PARD3B: variants seen among roughly 807,000 people sequenced by gnomAD.
PARD3B encodes par-3 family cell polarity regulator beta.
Under a neutral mutation model 130.2 loss-of-function variants are expected in PARD3B, and 103 were observed. The ratio of observed to expected loss-of-function variants is 0.79; its 90% CI spans 0.67 to 0.93. The LOEUF (loss-of-function observed/expected upper bound fraction) is 0.93. Among genes scored for constraint, PARD3B ranks in the 40% least tolerant of loss-of-function variants. The probability of loss-of-function intolerance (pLI) is 0.00; values close to 1 mark genes in which losing one functional copy is unlikely to be tolerated. For synonymous variants in PARD3B, 583 were observed against 553.2 expected (o/e 1.05, Z -0.76); for missense variants, 1,609 against 1,499.2 (o/e 1.07, Z -1.21).
chr2:204,645,042 C>CT (rs1351984613), intron 1 of PARD3B, among the ~76,000 whole-genome samples: 1 of 151,934 alleles, frequency 6.6e-6, no homozygotes, highest in Admixed American at 6.6e-5. Flanking sequence ...GTGATTTTGT[C>CT]TTTAGATTCT....
intron 13 of PARD3B, among the ~76,000 whole-genome samples, chr2:205,178,366 T>C (rs981399645): frequency 6.6e-6 from 1 of 151,874 alleles, no homozygotes; most frequent in Non-Finnish European, 1.5e-5. Context: ...GGCAGGAGAA[T>C]GGTGTAAACC....
chr2:205,077,762 A>G, intron 4 of PARD3B, among the ~76,000 whole-genome samples: 1 of 152,178 alleles, frequency 6.6e-6, no homozygotes, highest in East Asian at 1.9e-4. Context: ...TTTTGATTAT[A>G]GAACACATGA....
At chr2:205,236,285 T>A (rs915248314) in intron 15 of PARD3B, among the ~76,000 whole-genome samples, 1 of 152,186 alleles carries the variant, frequency 6.6e-6, no homozygotes, top group Non-Finnish European at 1.5e-5. Context: ...ATAACAATTC[T>A]ACAGACATTC....
chr2:204,763,954 T>C (rs1284788823), intron 2 of PARD3B, among the ~76,000 whole-genome samples: 1 of 152,222 alleles, frequency 6.6e-6, no homozygotes, highest in Non-Finnish European at 1.5e-5. Flanking sequence ...TCTTATGATA[T>C]TTACTTTTTT....
At position 204,664,499 on chromosome 2, in the gene PARD3B, T is replaced by C. The variant is rs1347944247; in HGVS notation, c.121-21682T>C. On this transcript the variant is annotated intron_variant, in intron 1 of 22. Transcript: ENST00000406610. This position sits in a 1 kb window ranked among gnomAD's most constrained non-coding sequence, Gnocchi z 5.2. ...ACGTTTTGATCATTGGTCTGCTATA[T>C]TGAATGCTGATTTTTTTTTCCAGTT... Among the ~76,000 whole-genome samples the C allele has an allele frequency of 6.6e-6, 1 of 152,182 alleles. No individual in the cohort carries two copies. The highest frequency in any genetic ancestry group is 6.5e-5 in the Admixed American group (1 of 15,278).
rs1268892168 is a variant in PARD3B at position 205,072,340 on chromosome 2, C to T, written c.504+24650C>T. 2.0e-5 allele frequency among the ~76,000 whole-genome samples: 3 copies of T among 151,830 alleles called. No homozygotes were observed. The East Asian group carries it at 5.8e-4, about 29-fold the overall frequency. The stretch of plus-strand genomic sequence containing the variant: ...TCTTGGCTCACTGCAACTTCTGCCC[C>T]CCTGGGTTCAAGCGATTCTCCTGCC... On this transcript the variant is annotated intron_variant, in intron 4 of 22. Coordinates refer to ENST00000406610, the MANE Select transcript of PARD3B (RefSeq NM_001302769.2).
intron 4 of PARD3B, among the ~76,000 whole-genome samples, chr2:205,061,846 A>G (rs562303519): frequency 2.9e-4 from 44 of 152,236 alleles, no homozygotes; most frequent in African/African-American, 1.1e-3. Flanking sequence ...CAATATTGGA[A>G]CTACATCAAT....
At chr2:205,081,885 T>A (rs1014063274) in intron 4 of PARD3B, among the ~76,000 whole-genome samples, 1 of 152,178 alleles carries the variant, frequency 6.6e-6, no homozygotes, top group Non-Finnish European at 1.5e-5. Context: ...TTCATGGTAA[T>A]GCTAGTTTAT....
At chr2:204,717,073 G>A (rs1574797199) in intron 2 of PARD3B, among the ~76,000 whole-genome samples, 1 of 152,120 alleles carries the variant, frequency 6.6e-6, no homozygotes, top group East Asian at 1.9e-4. Flanking sequence ...TTGCTGCAAT[G>A]GACTGTGCAC....
chr2:205,052,671 C>T (rs977162767), intron 4 of PARD3B, among the ~76,000 whole-genome samples: 4 of 151,668 alleles, frequency 2.6e-5, no homozygotes, highest in African/African-American at 9.7e-5. Context: ...GCCACTAATT[C>T]TCACAGTGAG....
intron 20 of PARD3B, among the ~76,000 whole-genome samples, chr2:205,468,487 A>G (rs2048710139): frequency 6.6e-6 from 1 of 152,160 alleles, no homozygotes; most frequent in Non-Finnish European, 1.5e-5. Context: ...TTATCACCAC[A>G]AGCTTTTCTT....
intron 4 of PARD3B, among the ~76,000 whole-genome samples, chr2:205,087,184 T>C (rs1013838330): frequency 1.1e-4 from 16 of 152,190 alleles, no homozygotes; most frequent in African/African-American, 3.1e-4. Context: ...AAACTGAATA[T>C]GGAAAATATT....
At chr2:204,893,485 G>A (rs1468304940) in intron 2 of PARD3B, among the ~76,000 whole-genome samples, 1 of 152,114 alleles carries the variant, frequency 6.6e-6, no homozygotes, top group Admixed American at 6.6e-5. Context: ...ATAAGCAAAT[G>A]CATGTATTTA....
chr2:204,591,574 G>T (rs947388878), intron 1 of PARD3B, among the ~76,000 whole-genome samples: 3 of 152,184 alleles, frequency 2.0e-5, no homozygotes, highest in Non-Finnish European at 4.4e-5. Flanking sequence ...TGGCTCATCA[G>T]TAGGGAAATT....
Position 205,183,006 on chromosome 2 carries a change from A to G in PARD3B, c.1925-2758A>G, listed in dbSNP as rs2035879119. Among the ~76,000 whole-genome samples the G allele has an allele frequency of 6.6e-6, 1 of 152,182 alleles. No individual in the cohort carries two copies. Among genetic ancestry groups the G allele is most frequent in the Non-Finnish European group, 1.5e-5 (1 of 68,028 alleles). ...ATGGTGTCCAGCCGTATGCCCAGGA[A>G]GAGAGGAAGAGCACGGATAGAGTGG... is the stretch of plus-strand genomic sequence containing the variant. On this transcript the variant is annotated intron_variant, in intron 13 of 22. Transcript: ENST00000406610. This position sits in a 1 kb window ranked among gnomAD's most constrained non-coding sequence, Gnocchi z 5.2.
In PARD3B at chr2:205,446,531, C is replaced by T. The variant is rs2047912865; in HGVS notation, c.3044+5859C>T. Among the ~76,000 whole-genome samples, 1 of 152,060 alleles carries T rather than the reference C, an allele frequency of 6.6e-6. No individual in the cohort carries two copies. Among genetic ancestry groups the T allele is most frequent in the Admixed American group, 6.5e-5 (1 of 15,270 alleles). Reference sequence around the variant, plus strand: ...TCCATATATCTCTGTCACATAGGAACAGATCGTGTGTATGTGGTCCATAGT... The same window carrying T: ...TCCATATATCTCTGTCACATAGGAATAGATCGTGTGTATGTGGTCCATAGT... On this transcript the variant is annotated intron_variant, in intron 20 of 22. Coordinates refer to ENST00000406610, the MANE Select transcript of PARD3B (RefSeq NM_001302769.2). This position sits in a 1 kb window ranked among gnomAD's most constrained non-coding sequence, Gnocchi z 4.4.
At chr2:204,781,338 A>C (rs953584845) in intron 2 of PARD3B, among the ~76,000 whole-genome samples, 1 of 152,158 alleles carries the variant, frequency 6.6e-6, no homozygotes, top group African/African-American at 2.4e-5. Flanking sequence ...TGGCACAAAA[A>C]AACATTAAGG....
At chr2:205,438,224 A>G (rs2047586098) in intron 19 of PARD3B, among the ~76,000 whole-genome samples, 1 of 152,212 alleles carries the variant, frequency 6.6e-6, no homozygotes, top group South Asian at 2.1e-4. Flanking sequence ...CTTGGCACAG[A>G]CGTAGTACTT....
Position 204,704,236 on chromosome 2 carries a change from G to A in PARD3B, c.222+17954G>A, listed in dbSNP as rs75634344. On this transcript the variant is annotated intron_variant, in intron 2 of 22. Coordinates refer to ENST00000406610, the MANE Select transcript of PARD3B (RefSeq NM_001302769.2). ...TATTTTTTATTTTGAATAAAATCAT[G>A]CAGATATTATTGAGAATATGTTTGG... is the stretch of plus-strand genomic sequence containing the variant. 8.3e-3 allele frequency among the ~76,000 whole-genome samples: 1,264 copies of A among 152,198 alleles called. 10 individuals carry two copies. Among genetic ancestry groups the A allele is most frequent in the African/African-American group, 0.028 (1,162 of 41,530 alleles).
Sources: gnomAD v4.1 joint callset for allele counts (sites outside exome capture counted in the v4.1 genomes callset) on GRCh38, gnomAD v4.1.1 for gene constraint, Gnocchi (gnomAD v3.1) non-coding constraint, MANE v1.5 for transcripts, NCBI Gene and HGNC (gene_info 2026-07-23, HGNC 2026-07-21) for gene names.